The following PRKCB variants were observed in gnomAD, a reference collection of about 807,000 sequenced individuals.
PRKCB encodes protein kinase C beta, also known as protein kinase C beta type.
PRKCB carries 13 observed loss-of-function variants against 81.5 expected under a neutral mutation model. The ratio of observed to expected loss-of-function variants is 0.16; its 90% CI spans 0.10 to 0.25. PRKCB has a LOEUF of 0.25. Among genes scored for constraint, PRKCB ranks in the 10% least tolerant of loss-of-function variants. PRKCB has a pLI of 1.00. For missense variants in PRKCB, 509 were observed against 875.7 expected, an observed-to-expected ratio of 0.58 and a Z score of 5.29; for synonymous variants, 335 against 321.4, an observed-to-expected ratio of 1.04 and a Z score of -0.45.
chr16:24,075,982 T>C (rs1282930139), intron 5 of PRKCB, among the ~76,000 whole-genome samples: 2 of 152,246 alleles, frequency 1.3e-5, no homozygotes, highest in African/African-American at 4.8e-5. Flanking sequence ...AGGGTACGTG[T>C]GCACAATGTG....
chr16:24,048,971 G>C (rs1965800420), intron 5 of PRKCB, among the ~76,000 whole-genome samples: 1 of 146,566 alleles, frequency 6.8e-6, no homozygotes, highest in Admixed American at 6.9e-5. Flanking sequence ...AGCCTGTTTT[G>C]CTCCTTTGGG....
At chr16:24,116,529 C>T (rs1400721215) in intron 8 of PRKCB, among the ~76,000 whole-genome samples, 1 of 152,190 alleles carries the variant, frequency 6.6e-6, no homozygotes, top group Non-Finnish European at 1.5e-5. Flanking sequence ...TCCTCCCTTC[C>T]TGGGAACAAG....
At chr16:24,064,036 C>T (rs1411744554) in intron 5 of PRKCB, among the ~76,000 whole-genome samples, 3 of 152,092 alleles carry the variant, frequency 2.0e-5, no homozygotes, top group Admixed American at 6.5e-5. Context: ...CAGTAACCCT[C>T]CCAGTCCATT....
At chr16:24,140,909 C>G (rs1438771273) in intron 9 of PRKCB, among the ~76,000 whole-genome samples, 2 of 152,164 alleles carry the variant, frequency 1.3e-5, no homozygotes, top group Non-Finnish European at 2.9e-5. Context: ...AAACTATACA[C>G]TAAATGTTTC....
intron 8 of PRKCB, among the ~76,000 whole-genome samples, chr16:24,117,965 G>C (rs77168727): frequency 3.3e-5 from 5 of 152,220 alleles, no homozygotes; most frequent in African/African-American, 9.6e-5. Context: ...TGCCCTGTGC[G>C]CTGTGCCCGC....
At chr16:23,881,076 C>G (rs1394053387) in intron 2 of PRKCB, among the ~76,000 whole-genome samples, 1 of 152,208 alleles carries the variant, frequency 6.6e-6, no homozygotes, top group South Asian at 2.1e-4. Context: ...TGAGAGCAGA[C>G]TTCTAGAAGT....
intron 2 of PRKCB, among the ~76,000 whole-genome samples, chr16:23,985,460 C>T (rs1444345344): frequency 2.0e-5 from 3 of 151,926 alleles, no homozygotes; most frequent in African/African-American, 7.3e-5. Flanking sequence ...GTCAAATTTA[C>T]AATAGCATAA....
At chr16:24,057,965 A>G (rs1031025117) in intron 5 of PRKCB, among the ~76,000 whole-genome samples, 18 of 152,134 alleles carry the variant, frequency 1.2e-4, no homozygotes, top group Admixed American at 6.5e-5. Context: ...AGAGCTTCCA[A>G]CTGAAACCTA....
chr16:23,946,385 A>G (rs1364385882), intron 2 of PRKCB, among the ~76,000 whole-genome samples: 1 of 152,208 alleles, frequency 6.6e-6, no homozygotes, highest in East Asian at 1.9e-4. Context: ...GGTATGATGG[A>G]TGACAGATGC....
intron 2 of PRKCB, among the ~76,000 whole-genome samples, chr16:23,838,116 A>C (rs1411357588): frequency 6.6e-6 from 1 of 152,170 alleles, no homozygotes; most frequent in African/African-American, 2.4e-5. Context: ...TTTGGGGCTC[A>C]TGTCTAAAAG....
chr16:23,977,011 C>G (rs761168938), intron 2 of PRKCB, among the ~76,000 whole-genome samples: 10 of 152,142 alleles, frequency 6.6e-5, no homozygotes, highest in Non-Finnish European at 1.3e-4. Flanking sequence ...ACAGTCTTTT[C>G]CGGCAGTTGC....
chr16:23,849,445 A>G (rs2141081186), intron 2 of PRKCB, among the ~76,000 whole-genome samples: 1 of 152,310 alleles, frequency 6.6e-6, no homozygotes, highest in East Asian at 1.9e-4. Context: ...GGTAGAGACC[A>G]TTCTTTAGAG....
intron 16 of PRKCB, among the ~76,000 whole-genome samples, chr16:24,192,683 G>A (rs1967811982): frequency 6.6e-6 from 1 of 152,218 alleles, no homozygotes; most frequent in African/African-American, 2.4e-5. Flanking sequence ...GGTTTGCAAA[G>A]TGTGCTGTCT....
rs1968291372 is a variant in PRKCB, at chr16:24,219,667, C to A, written c.*4851C>A. 3 of 975,914 alleles carry A rather than the reference C, an allele frequency of 3.1e-6. No homozygotes were observed. The highest frequency in any genetic ancestry group is 3.8e-6 in the Non-Finnish European group (3 of 791,170). 60.5% of individuals were successfully genotyped at this position (975,914 alleles called of 1,614,324 possible). ...AAGAAAATACAGCAACACACACACACACACACACACACACACACACACACA... is the reference window on the plus strand; with the variant it reads ...AAGAAAATACAGCAACACACACACAAACACACACACACACACACACACACA... On this transcript the variant is annotated 3_prime_UTR_variant, in exon 17 of 17. Coordinates refer to ENST00000643927, the MANE Select transcript of PRKCB (RefSeq NM_002738.7).
chr16:24,208,792 G>A (rs1968087034), intron 16 of PRKCB, among the ~76,000 whole-genome samples: 1 of 152,114 alleles, frequency 6.6e-6, no homozygotes, highest in African/African-American at 2.4e-5. Flanking sequence ...CTCCATTTAG[G>A]GAGCGCTCCT....
intron 12 of PRKCB, 91 bp from the exon 13 acceptor site, chr16:24,180,699 A>G (rs765194622): frequency 6.1e-5 from 90 of 1,473,100 alleles, no homozygotes; most frequent in Admixed American, 1.8e-4. Context: ...CACAACACCT[A>G]ACACAGTGTT....
At chr16:24,090,522 A>G (rs1003187694) in intron 5 of PRKCB, among the ~76,000 whole-genome samples, 1 of 152,162 alleles carries the variant, frequency 6.6e-6, no homozygotes, top group African/African-American at 2.4e-5. Flanking sequence ...AAAAAGAAAG[A>G]GGGGCAAGGG....
intron 2 of PRKCB, among the ~76,000 whole-genome samples, chr16:23,954,689 G>A (rs143347223): frequency 2.1e-3 from 327 of 152,322 alleles, no homozygotes; most frequent in African/African-American, 7.1e-3. Flanking sequence ...TTTCTTAACT[G>A]TTCTATGCCT....
Position 24,214,966 on chromosome 16 carries a change from C to A in PRKCB, c.*150C>A. 5 of 1,469,700 alleles carry A rather than the reference C, an allele frequency of 3.4e-6. No homozygotes were observed. In the South Asian group the frequency reaches 7.1e-5, roughly 21 times the overall value. 91.0% of individuals were successfully genotyped at this position (1,469,700 alleles called of 1,614,324 possible). On this transcript the variant is annotated 3_prime_UTR_variant, in exon 17 of 17. Transcript: ENST00000643927. ...CAGTGTTTCAGAACCCAAATGTCCT[C>A]AGGTAGTTTGGAGCATCTCTATGAG...
Sources: gnomAD v4.1 joint callset for allele counts (sites outside exome capture counted in the v4.1 genomes callset) on GRCh38, gnomAD v4.1.1 for gene constraint, MANE v1.5 for transcripts, NCBI Gene and HGNC (gene_info 2026-07-23, HGNC 2026-07-21) for gene names.